Variants in THEM6 observed in about 807,000 individuals in gnomAD.
THEM6 encodes protein THEM6.
THEM6 carries 10 observed loss-of-function variants against 13.7 expected under a neutral mutation model. That is an observed-to-expected ratio of 0.73 (90% confidence interval 0.45 to 1.24). The LOEUF is 1.24. Among genes scored for constraint, THEM6 ranks in the 50% most tolerant of loss-of-function variants. THEM6 has a pLI of 0.00. For synonymous variants in THEM6, 161 were observed against 156.0 expected, an observed-to-expected ratio of 1.03 and a Z score of -0.24; for missense variants, 317 against 312.6, an observed-to-expected ratio of 1.01 and a Z score of -0.11.
At chr8:142,728,007 C>A in intron 1 of THEM6, 148 bp downstream of exon 1, 2 of 901,998 alleles carry the variant, frequency 2.2e-6, no homozygotes, top group Non-Finnish European at 3.0e-6. Flanking sequence ...ACCGCTCCCG[C>A]CCCTCCCTCT....
At chr8:142,734,454 C>T (rs1815716441) in intron 1 of THEM6, 1 of 152,338 alleles carries the variant, frequency 6.6e-6, no homozygotes, top group African/African-American at 2.4e-5. Flanking sequence ...GGACCCAGAA[C>T]AGCAGAGACT....
intron 1 of THEM6, among the ~76,000 whole-genome samples, chr8:142,728,937 C>CTTTTT (rs58263738): frequency 1.8e-4 from 19 of 107,246 alleles, no homozygotes; most frequent in Non-Finnish European, 2.2e-4. Flanking sequence ...TTACTATTTT[C>CTTTTT]TTTTTTTTTT....
At position 142,735,534 on chromosome 8, in the gene THEM6, T is replaced by A; in HGVS notation, c.*95T>A. 1.0e-6 allele frequency: 1 copy of A among 981,070 alleles called. No homozygotes were observed. The highest frequency in any genetic ancestry group is 1.6e-6 in the Non-Finnish European group (1 of 643,518). The allele number at this position is 981,070 out of a possible 1,614,324, so 60.8% of individuals were successfully genotyped here. ...CAGCCATACTCTGTTCCAGCTGGAG[T>A]AGCCTCCTGACCAGCCTGGCCCACC... On this transcript the variant is annotated 3_prime_UTR_variant, in exon 2 of 2. Transcript: ENST00000336138.
Position 142,727,656 on chromosome 8 carries a change from T to A in THEM6, c.310T>A (p.Cys104Ser). The A allele has an allele frequency of 6.9e-7, 1 of 1,442,820 alleles. No individual in the cohort carries two copies. Among genetic ancestry groups the A allele is most frequent in the Non-Finnish European group, 9.0e-7 (1 of 1,109,242 alleles). 89.4% of individuals were successfully genotyped at this position (1,442,820 alleles called of 1,614,324 possible). A position where few individuals can be genotyped will look rare whatever the true frequency, so the allele number is the denominator to read the frequency against. ...LRAHTVLAAS[C>S]ARHRRSLRLL... ...GGCGCACACGGTGCTGGCGGCCTCG[T>A]GCGCGCGCCACCGCCGCTCGCTGCG... The change falls in exon 1 of 2, where the codon TGC (cysteine) becomes AGC (serine). Residue 104 changes from cysteine (C) to serine (S), a missense_variant. Physicochemically the swap from Cys to Ser is moderately radical, Grantham distance 112. Transcript: ENST00000336138.
At chr8:142,731,154 G>A (rs1463393660) in intron 1 of THEM6, among the ~76,000 whole-genome samples, 6 of 152,214 alleles carry the variant, frequency 3.9e-5, no homozygotes, top group Non-Finnish European at 8.8e-5. Flanking sequence ...TAAAGAGCGG[G>A]TTAGTGCTTT....
chr8:142,735,108 G>A, intron 1 of THEM6: 1 of 526,638 alleles, frequency 1.9e-6, no homozygotes, highest in Non-Finnish European at 3.4e-6. Context: ...TTCTGGGGAT[G>A]GCCCCTAGGG....
chr8:142,736,124 TGA>T lies in THEM6; in HGVS notation c.*689_*690del, dbSNP rs1321524524. On this transcript the variant is annotated 3_prime_UTR_variant, in exon 2 of 2. Transcript: ENST00000336138. ...CTGGACGGGAGGGTAGCCTTGTGGC[TGA>T]GAGGGGTCAGACTAGGTGGCACAGG... The T allele has an allele frequency of 6.6e-6, 1 of 152,536 alleles. No homozygotes were observed. The highest frequency in any genetic ancestry group is 1.5e-5 in the Non-Finnish European group (1 of 68,244). The allele number at this position is 152,536 out of a possible 1,614,324, so 9.4% of individuals were successfully genotyped here. A position where few individuals can be genotyped will look rare whatever the true frequency, so the allele number is the denominator to read the frequency against.
intron 1 of THEM6, among the ~76,000 whole-genome samples, chr8:142,729,283 A>G (rs2129990311): frequency 6.6e-6 from 1 of 152,342 alleles, no homozygotes; most frequent in South Asian, 2.1e-4. Flanking sequence ...GCACGTGAAC[A>G]TAAATTTAAT....
At chr8:142,732,206 A>ATATT (rs1439233878) in intron 1 of THEM6, among the ~76,000 whole-genome samples, 1 of 95,006 alleles carries the variant, frequency 1.1e-5, no homozygotes, top group African/African-American at 4.3e-5. Flanking sequence ...ATATATATAT[A>ATATT]TTTTAACTAC....
intron 1 of THEM6, among the ~76,000 whole-genome samples, chr8:142,732,912 TGCC>T (rs2129999444): frequency 6.6e-6 from 1 of 152,282 alleles, no homozygotes; most frequent in African/African-American, 2.4e-5. Flanking sequence ...TGTTCCCCGG[TGCC>T]GTAAAGAAAC....
At chr8:142,732,986 C>T (rs1251302141) in intron 1 of THEM6, among the ~76,000 whole-genome samples, 1 of 152,202 alleles carries the variant, frequency 6.6e-6, no homozygotes, top group African/African-American at 2.4e-5. Context: ...GCAGAAAGGA[C>T]ACACTTGCCA....
intron 1 of THEM6, chr8:142,734,965 A>T: frequency 4.4e-6 from 1 of 225,670 alleles, no homozygotes; most frequent in Non-Finnish European, 8.9e-6. Context: ...GAACTCAGTG[A>T]GCCCTGTCTG....
In THEM6 at chr8:142,727,236, C is replaced by G. The variant is rs1468483701; in HGVS notation, c.-111C>G. 2.6e-6 allele frequency: 3 copies of G among 1,152,716 alleles called. No individual in the cohort carries two copies. Among genetic ancestry groups the G allele is most frequent in the African/African-American group, 3.3e-5 (2 of 60,808 alleles). The allele number at this position is 1,152,716 out of a possible 1,614,324, so 71.4% of individuals were successfully genotyped here. On this transcript the variant is annotated 5_prime_UTR_variant, in exon 1 of 2. Coordinates refer to ENST00000336138, the MANE Select transcript of THEM6 (RefSeq NM_016647.3). ...CCCTCGCGCTGTGGTTCGCTCCGGG[C>G]GCGCTGCGCTCGTGAGTTCCCAGGA...
intron 1 of THEM6, among the ~76,000 whole-genome samples, chr8:142,732,331 C>A (rs964866517): frequency 6.6e-6 from 1 of 150,632 alleles, no homozygotes; most frequent in Non-Finnish European, 1.5e-5. Flanking sequence ...CCTTTCCCCC[C>A]AAAGGTCCCT....
chr8:142,727,949 G>A lies in THEM6; in HGVS notation c.513+90G>A, dbSNP rs1447704020. 7 of 1,315,830 alleles carry A rather than the reference G, an allele frequency of 5.3e-6. No homozygotes were observed. The Admixed American group carries it at 2.4e-4, about 46-fold the overall frequency. The allele number at this position is 1,315,830 out of a possible 1,614,324, so 81.5% of individuals were successfully genotyped here. A position where few individuals can be genotyped will look rare whatever the true frequency, so the allele number is the denominator to read the frequency against. ...GTCCCTGGCCCCCTCCCCTAGGGAAGGCCCGCTGCCTGCACCTCTTTCGGA... is the reference window on the plus strand; with the variant it reads ...GTCCCTGGCCCCCTCCCCTAGGGAAAGCCCGCTGCCTGCACCTCTTTCGGA... On this transcript the variant is annotated intron_variant, in intron 1 of 1. Coordinates refer to ENST00000336138, the MANE Select transcript of THEM6 (RefSeq NM_016647.3).
chr8:142,729,063 C>A (rs587668465), intron 1 of THEM6, among the ~76,000 whole-genome samples: 2 of 151,972 alleles, frequency 1.3e-5, no homozygotes, highest in East Asian at 1.9e-4. Context: ...CTTCAGCCTC[C>A]CCACTAGCTG....
At chr8:142,735,201 G>A in intron 1 of THEM6, 125 bp from the exon 2 acceptor site, 1 of 709,614 alleles carries the variant, frequency 1.4e-6, no homozygotes, top group Non-Finnish European at 2.4e-6. Flanking sequence ...GGAGGCATGG[G>A]CAAAGCATGG....
chr8:142,730,272 A>G (rs1207832188), intron 1 of THEM6, among the ~76,000 whole-genome samples: 1 of 152,170 alleles, frequency 6.6e-6, no homozygotes, highest in Non-Finnish European at 1.5e-5. Context: ...TAACAGCATA[A>G]AATAGGGTTC....
At chr8:142,731,113 T>C (rs1252226180) in intron 1 of THEM6, among the ~76,000 whole-genome samples, 1 of 152,272 alleles carries the variant, frequency 6.6e-6, no homozygotes, top group Non-Finnish European at 1.5e-5. Flanking sequence ...AAGATTTTTA[T>C]AGACTCTTTT....
Sources: gnomAD v4.1 joint callset for allele counts (sites outside exome capture counted in the v4.1 genomes callset) on GRCh38, gnomAD v4.1.1 for gene constraint, MANE v1.5 for transcripts, NCBI Gene and HGNC (gene_info 2026-07-23, HGNC 2026-07-21) for gene names.